MCTP1: variants seen among roughly 807,000 people sequenced by gnomAD.
MCTP1 encodes the protein multiple C2 and transmembrane domain containing 1, also known as multiple C2 and transmembrane domain-containing protein 1.
MCTP1 carries 69 observed loss-of-function variants against 120.6 expected under a neutral mutation model. The ratio of observed to expected loss-of-function variants is 0.57; its 90% CI spans 0.47 to 0.70. The LOEUF is 0.70. Ranked by LOEUF, MCTP1 falls within the 30% of genes least tolerant of loss-of-function variation. The pLI, the probability that MCTP1 is intolerant of heterozygous loss-of-function variation, is 0.00. For synonymous variants in MCTP1, 529 were observed against 493.1 expected (o/e 1.07, Z -0.96); for missense variants, 1,203 against 1,248.8 (o/e 0.96, Z 0.55).
At chr5:94,980,190 T>A (rs1162939108) in intron 2 of MCTP1, among the ~76,000 whole-genome samples, 3 of 152,170 alleles carry the variant, frequency 2.0e-5, no homozygotes, top group Non-Finnish European at 4.4e-5. Context: ...TCATTTATAA[T>A]CTTTTAATTG....
intron 21 of MCTP1, 138 bp downstream of exon 21, chr5:94,710,680 C>T: frequency 5.1e-6 from 3 of 593,240 alleles, no homozygotes; most frequent in Admixed American, 3.6e-5. Flanking sequence ...TGATTTTTAA[C>T]CAACCTGTCT....
intron 19 of MCTP1, among the ~76,000 whole-genome samples, chr5:94,758,237 T>C (rs1363374591): frequency 1.3e-5 from 2 of 152,238 alleles, no homozygotes; most frequent in African/African-American, 2.4e-5. Flanking sequence ...AATGGATGAA[T>C]TGAATAAATA....
intron 5 of MCTP1, among the ~76,000 whole-genome samples, chr5:94,935,573 T>C (rs1373548298): frequency 2.0e-5 from 3 of 152,050 alleles, no homozygotes; most frequent in East Asian, 3.8e-4. Flanking sequence ...ACACATCTCT[T>C]TCATTCTCCA....
rs144306723 is a variant in MCTP1 at position 95,123,293 on chromosome 5, TA to T, written c.721-105810del. ...AAAAATAAAATCTGGCTAGCACAAC[TA>T]AAAAAAAATGGAGGAACAGAATATA... On this transcript the variant is annotated intron_variant, in intron 1 of 22. Coordinates refer to ENST00000515393, the MANE Select transcript of MCTP1 (RefSeq NM_024717.7). 5.0e-3 allele frequency among the ~76,000 whole-genome samples: 759 copies of T among 150,396 alleles called. 3 individuals carry two copies. Among genetic ancestry groups the T allele is most frequent in the Non-Finnish European group, 7.2e-3 (488 of 67,532 alleles).
intron 1 of MCTP1, among the ~76,000 whole-genome samples, chr5:95,037,637 A>T (rs1476409917): frequency 6.6e-6 from 1 of 152,194 alleles, no homozygotes; most frequent in East Asian, 1.9e-4. Flanking sequence ...AGGCCAAGGC[A>T]GGTGGATCAC....
At chr5:95,190,831 A>C (rs1027198464) in intron 1 of MCTP1, among the ~76,000 whole-genome samples, 4 of 152,204 alleles carry the variant, frequency 2.6e-5, no homozygotes, top group Middle Eastern at 3.4e-3. Context: ...GATACAGTTT[A>C]AAAACTAACT....
chr5:95,080,570 C>A (rs564126509), intron 1 of MCTP1, among the ~76,000 whole-genome samples: 1 of 152,106 alleles, frequency 6.6e-6, no homozygotes, highest in Non-Finnish European at 1.5e-5. Flanking sequence ...CCTTTTCTAG[C>A]TGAAAGGAAT....
intron 2 of MCTP1, among the ~76,000 whole-genome samples, chr5:94,968,480 T>A (rs1265868090): frequency 6.6e-6 from 1 of 152,206 alleles, no homozygotes; most frequent in Non-Finnish European, 1.5e-5. Context: ...GTTTTCAAGA[T>A]TATATTATTA....
intron 1 of MCTP1, among the ~76,000 whole-genome samples, chr5:95,189,147 A>C (rs1037739725): frequency 3.3e-5 from 5 of 152,226 alleles, no homozygotes; most frequent in African/African-American, 1.2e-4. Flanking sequence ...AGAAATGAAC[A>C]AATTGTTCAT....
At chr5:95,062,898 G>T (rs1444114116) in intron 1 of MCTP1, among the ~76,000 whole-genome samples, 1 of 151,976 alleles carries the variant, frequency 6.6e-6, no homozygotes, top group Admixed American at 6.6e-5. Context: ...GCTCACTGCA[G>T]CTTCTACCTC....
In MCTP1 at chr5:94,897,074, C is replaced by A. The variant is rs578208635; in HGVS notation, c.1653-2239G>T. On this transcript the variant is annotated intron_variant, in intron 10 of 22. Coordinates refer to ENST00000515393, the MANE Select transcript of MCTP1 (RefSeq NM_024717.7). ...ACTTTTTTTTAAATTTTAATTTTTT[C>A]GAGACCAGGTCTTACTCTGTTGCCT... Among the ~76,000 whole-genome samples, 9 of 151,910 alleles carry A rather than the reference C, an allele frequency of 5.9e-5. No homozygotes were observed. The South Asian group carries it at 1.9e-3, about 32-fold the overall frequency.
intron 12 of MCTP1, among the ~76,000 whole-genome samples, chr5:94,882,062 G>T (rs1323478845): frequency 6.6e-6 from 1 of 152,012 alleles, no homozygotes; most frequent in Non-Finnish European, 1.5e-5. Flanking sequence ...TATTCTCTAT[G>T]GTTAAAGCAA....
intron 1 of MCTP1, among the ~76,000 whole-genome samples, chr5:95,273,396 A>T (rs966763685): frequency 4.6e-5 from 7 of 152,202 alleles, no homozygotes; most frequent in Admixed American, 2.6e-4. Context: ...ACATGTTTGC[A>T]GCACACTACC....
At chr5:94,981,038 A>T (rs1305860413) in intron 2 of MCTP1, 2 of 152,298 alleles carry the variant, frequency 1.3e-5, no homozygotes, top group East Asian at 3.9e-4. Flanking sequence ...AACAGTTAAT[A>T]AGTGTTTAAT....
chr5:94,806,231 G>T (rs545389137), intron 17 of MCTP1, among the ~76,000 whole-genome samples: 1 of 152,042 alleles, frequency 6.6e-6, no homozygotes, highest in South Asian at 2.1e-4. Flanking sequence ...TAGCAAGGTG[G>T]CTGTAAAGGC....
chr5:94,913,063 C>G, intron 8 of MCTP1, 87 bp from the exon 9 acceptor site: 2 of 833,414 alleles, frequency 2.4e-6, no homozygotes, highest in Admixed American at 5.9e-5. Context: ...TGTTATGATT[C>G]TTCAAAAAAT....
intron 1 of MCTP1, among the ~76,000 whole-genome samples, chr5:95,250,476 C>T (rs1164264285): frequency 6.6e-6 from 1 of 152,198 alleles, no homozygotes; most frequent in Non-Finnish European, 1.5e-5. Context: ...TCAGACCCTT[C>T]ACAGTTTTTG....
chr5:95,222,281 C>T (rs141726623), intron 1 of MCTP1, among the ~76,000 whole-genome samples: 1,557 of 152,248 alleles, frequency 0.01, 17 homozygotes, highest in Non-Finnish European at 0.015. Flanking sequence ...TAGCTGCAAG[C>T]CAACTAGAAA....
intron 1 of MCTP1, among the ~76,000 whole-genome samples, chr5:95,260,113 A>G (rs1361557421): frequency 3.3e-5 from 5 of 152,172 alleles, no homozygotes; most frequent in African/African-American, 1.2e-4. Context: ...ATCTGTATCA[A>G]CTATGCCTTC....
Sources: allele counts gnomAD v4.1 joint callset (sites outside exome capture counted in the v4.1 genomes callset), GRCh38; gene constraint gnomAD v4.1.1; transcripts MANE v1.5; gene names NCBI Gene and HGNC (gene_info 2026-07-23, HGNC 2026-07-21).